The following ITGAE variants were observed in gnomAD, a reference collection of about 807,000 sequenced individuals.
ITGAE encodes integrin subunit alpha E.
A neutral mutation model predicts 136.5 loss-of-function variants in ITGAE; 99 were observed. The ratio of observed to expected loss-of-function variants is 0.73; its 90% CI spans 0.62 to 0.86. ITGAE has a LOEUF of 0.86. ITGAE is among the 40% of genes least tolerant of loss of function. ITGAE has a pLI of 0.00. For synonymous variants in ITGAE, 613 were observed against 591.8 expected (o/e 1.04, Z -0.52); for missense variants, 1,447 against 1,515.3 (o/e 0.95, Z 0.75).
At chr17:3,738,345 A>G (rs2051507852) in intron 20 of ITGAE, among the ~76,000 whole-genome samples, 1 of 151,956 alleles carries the variant, frequency 6.6e-6, no homozygotes, top group Non-Finnish European at 1.5e-5. Context: ...TAATTTTTGT[A>G]TTTTTAGTAG....
chr17:3,764,691 C>T (rs1237098060), intron 2 of ITGAE, among the ~76,000 whole-genome samples: 6 of 151,692 alleles, frequency 4.0e-5, no homozygotes, highest in Non-Finnish European at 4.4e-5. Flanking sequence ...AGTGTGACTT[C>T]GTCTCATAAA....
At position 3,733,480 on chromosome 17, in the gene ITGAE, G is replaced by A. The variant is rs555128306; in HGVS notation, c.2656-1014C>T. On this transcript the variant is annotated intron_variant, in intron 21 of 30. Transcript: ENST00000263087. ...TCTGTTGCCCAGGCTGGAGTGCAGT[G>A]GCGCAATCTCAGCTCACTCCAATCT... Among the ~76,000 whole-genome samples, 92 of 152,278 alleles carry A rather than the reference G, an allele frequency of 6.0e-4. 1 individual carries two copies. The highest frequency in any genetic ancestry group is 2.0e-3 in the African/African-American group (84 of 41,566).
intron 22 of ITGAE, among the ~76,000 whole-genome samples, chr17:3,732,097 C>CT (rs2051358208): frequency 6.7e-6 from 1 of 149,104 alleles, no homozygotes; most frequent in Non-Finnish European, 1.5e-5. Flanking sequence ...AACAAAAAAA[C>CT]TTTTTGTCTG....
chr17:3,718,027 A>G (rs962611819), intron 29 of ITGAE: 1 of 152,272 alleles, frequency 6.6e-6, no homozygotes, highest in Non-Finnish European at 1.5e-5. Context: ...CAGATTCCCA[A>G]AAGTGCCCCA....
At position 3,797,204 on chromosome 17, in the gene ITGAE, C is replaced by T. The variant is rs866796657; in HGVS notation, c.34+3907G>A. On this transcript the variant is annotated intron_variant, in intron 1 of 30. Coordinates refer to ENST00000263087, the MANE Select transcript of ITGAE (RefSeq NM_002208.5). ...TTTTTGAGACGGAGTCTCGCTCTGT[C>T]GCCCAGGCTGGAGTGCAGTGGCGCA... is the stretch of plus-strand genomic sequence containing the variant. Among the ~76,000 whole-genome samples the T allele has an allele frequency of 1.5e-4, 21 of 136,630 alleles. 1 individual carries two copies. The highest frequency in any genetic ancestry group is 1.1e-3 in the East Asian group (5 of 4,486). The allele number at this position is 136,630 out of a possible 152,430, so 89.6% of individuals were successfully genotyped here. A position where few individuals can be genotyped will look rare whatever the true frequency, so the allele number is the denominator to read the frequency against.
chr17:3,755,618 G>T (rs2052000980), intron 11 of ITGAE, among the ~76,000 whole-genome samples: 1 of 152,210 alleles, frequency 6.6e-6, no homozygotes, highest in Admixed American at 6.5e-5. Context: ...AGTGAGCCGA[G>T]ACTGCACCGC....
chr17:3,739,163 A>G (rs180911060), intron 20 of ITGAE, among the ~76,000 whole-genome samples: 80 of 151,680 alleles, frequency 5.3e-4, no homozygotes, highest in African/African-American at 1.7e-3. Context: ...TCGTTCCCCT[A>G]CCTCCTCCAG....
intron 26 of ITGAE, chr17:3,724,213 G>A (rs1203934008): frequency 6.3e-7 from 1 of 1,592,992 alleles, no homozygotes; most frequent in Admixed American, 1.7e-5. Flanking sequence ...GACCGGCCCA[G>A]CCTGACCGTG....
At chr17:3,792,359 C>T (rs1010293257) in intron 1 of ITGAE, among the ~76,000 whole-genome samples, 11 of 152,168 alleles carry the variant, frequency 7.2e-5, no homozygotes, top group Admixed American at 2.0e-4. Flanking sequence ...TCAGGTGATC[C>T]GCCCGCCTTG....
At chr17:3,767,705 C>G (rs1217804841) in intron 2 of ITGAE, among the ~76,000 whole-genome samples, 1 of 152,158 alleles carries the variant, frequency 6.6e-6, no homozygotes, top group Non-Finnish European at 1.5e-5. Context: ...CTCACTGCAG[C>G]CTTGACCTCC....
chr17:3,738,338 T>C (rs1188785877), intron 20 of ITGAE, among the ~76,000 whole-genome samples: 1 of 152,084 alleles, frequency 6.6e-6, no homozygotes, highest in East Asian at 1.9e-4. Flanking sequence ...GCCCAGCTAA[T>C]TTTTGTATTT....
At chr17:3,720,601 A>G in intron 28 of ITGAE, 199 bp from the exon 29 acceptor site, 1 of 379,296 alleles carries the variant, frequency 2.6e-6, no homozygotes, top group Non-Finnish European at 4.6e-6. Context: ...TTTTTTTTTG[A>G]GATGGAGTTT....
chr17:3,797,355 C>T (rs571278192), intron 1 of ITGAE, among the ~76,000 whole-genome samples: 51 of 150,948 alleles, frequency 3.4e-4, no homozygotes, highest in South Asian at 8.4e-4. Flanking sequence ...TTAGTAGAGA[C>T]GGAGTTTCAC....
At chr17:3,785,964 G>A (rs1206433796) in intron 1 of ITGAE, among the ~76,000 whole-genome samples, 1 of 151,910 alleles carries the variant, frequency 6.6e-6, no homozygotes, top group African/African-American at 2.4e-5. Context: ...CCAGGAGATC[G>A]AGACCGTCCT....
At chr17:3,733,209 T>C (rs1597311770) in intron 21 of ITGAE, among the ~76,000 whole-genome samples, 1 of 152,102 alleles carries the variant, frequency 6.6e-6, no homozygotes, top group East Asian at 1.9e-4. Flanking sequence ...GGTCTCGAAC[T>C]CCTGACCTCA....
At chr17:3,729,085 AGTG>A (rs2051282990) in intron 24 of ITGAE, among the ~76,000 whole-genome samples, 2 of 151,808 alleles carry the variant, frequency 1.3e-5, no homozygotes, top group Non-Finnish European at 2.9e-5. Context: ...CAAAATATAA[AGTG>A]GTCGTAGCGC....
intron 7 of ITGAE, among the ~76,000 whole-genome samples, chr17:3,759,890 C>T (rs2052122730): frequency 6.6e-6 from 1 of 152,086 alleles, no homozygotes; most frequent in Non-Finnish European, 1.5e-5. Flanking sequence ...TGGATCTGGC[C>T]CTCTTAGAAT....
intron 21 of ITGAE, among the ~76,000 whole-genome samples, chr17:3,734,154 T>C (rs1286093235): frequency 6.6e-6 from 1 of 152,196 alleles, no homozygotes; most frequent in African/African-American, 2.4e-5. Context: ...CACTGCAAGC[T>C]CCGCCTCCCG....
intron 13 of ITGAE, 77 bp downstream of exon 13, chr17:3,753,706 G>C: frequency 6.4e-7 from 1 of 1,563,746 alleles, no homozygotes; most frequent in Non-Finnish European, 8.7e-7. Flanking sequence ...TGTGCACCGT[G>C]GGACCCACTC....
Sources: allele counts gnomAD v4.1 joint callset (sites outside exome capture counted in the v4.1 genomes callset), GRCh38; gene constraint gnomAD v4.1.1; transcripts MANE v1.5; gene names NCBI Gene and HGNC (gene_info 2026-07-23, HGNC 2026-07-21).